The following TENM3 variants were observed in gnomAD, a reference collection of about 807,000 sequenced individuals.
TENM3 encodes the protein teneurin transmembrane protein 3.
TENM3 carries 63 observed loss-of-function variants against 255.1 expected under a neutral mutation model. That is an observed-to-expected ratio of 0.25 (90% CI 0.20 to 0.30). The LOEUF is 0.30. Ranked by LOEUF, TENM3 falls within the 10% of genes least tolerant of loss-of-function variation. TENM3 has a pLI of 1.00. For missense variants in TENM3, 2,929 were observed against 3,461.1 expected (o/e 0.85, Z 3.86); for synonymous variants, 1,306 against 1,322.3 (o/e 0.99, Z 0.27).
chr4:182,541,115 A>T (rs1212289419), intron 3 of TENM3, among the ~76,000 whole-genome samples: 1 of 152,234 alleles, frequency 6.6e-6, no homozygotes, highest in Non-Finnish European at 1.5e-5. Flanking sequence ...AACAGTTGGT[A>T]AATGGTTCCC....
intron 4 of TENM3, among the ~76,000 whole-genome samples, chr4:182,620,795 C>T (rs1232274757): frequency 6.6e-6 from 1 of 152,066 alleles, no homozygotes; most frequent in African/African-American, 2.4e-5. Context: ...GTGGTGCAAT[C>T]ACAGCTCACT....
intron 1 of TENM3, among the ~76,000 whole-genome samples, chr4:182,217,817 C>A (rs912156519): frequency 2.6e-5 from 4 of 151,858 alleles, no homozygotes; most frequent in African/African-American, 9.7e-5. Context: ...ATCTTTGGGG[C>A]AGAAAAACAA....
the TENM3 span, among the ~76,000 whole-genome samples, chr4:181,686,309 C>T: frequency 6.6e-6 from 1 of 152,112 alleles, no homozygotes; most frequent in African/African-American, 2.4e-5. Context: ...TGTGATAATT[C>T]CTTGTTTCAG....
intron 3 of TENM3, among the ~76,000 whole-genome samples, chr4:182,363,095 C>T (rs1256412451): frequency 6.6e-6 from 1 of 152,066 alleles, no homozygotes; most frequent in Non-Finnish European, 1.5e-5. Flanking sequence ...ACATTCTTAT[C>T]CAAAATTGAC....
At chr4:181,558,311 T>G in the TENM3 span, among the ~76,000 whole-genome samples, 4 of 152,276 alleles carry the variant, frequency 2.6e-5, no homozygotes, top group East Asian at 7.7e-4. Context: ...TGATGTCCTG[T>G]CAAAGCACAG....
intron 13 of TENM3, among the ~76,000 whole-genome samples, chr4:182,720,191 G>A (rs1661648609): frequency 6.6e-6 from 1 of 152,040 alleles, no homozygotes; most frequent in Admixed American, 6.5e-5. Flanking sequence ...TATAATGAAT[G>A]GAGAGATCTA....
chr4:182,027,571 C>CTT, the TENM3 span, among the ~76,000 whole-genome samples: 137 of 149,032 alleles, frequency 9.2e-4, 1 homozygote, highest in African/African-American at 9.8e-4. Flanking sequence ...AAAGGCTTTC[C>CTT]TTTTTTTTTT....
chr4:182,770,443 G>A (rs558366766), intron 22 of TENM3, among the ~76,000 whole-genome samples: 60 of 152,132 alleles, frequency 3.9e-4, no homozygotes, highest in African/African-American at 1.2e-3. Context: ...CCTGCACCCC[G>A]ACACCTTCCT....
At chr4:181,911,072 C>T in the TENM3 span, among the ~76,000 whole-genome samples, 1 of 152,112 alleles carries the variant, frequency 6.6e-6, no homozygotes, top group African/African-American at 2.4e-5. Context: ...TATTTAAAAA[C>T]GTTATAATCA....
the TENM3 span, among the ~76,000 whole-genome samples, chr4:181,625,656 C>G: frequency 0.15 from 23,131 of 151,438 alleles, 2,445 homozygotes; most frequent in Non-Finnish European, 0.23. Context: ...ACTAGAAATA[C>G]AAAAAAAATT....
the TENM3 span, among the ~76,000 whole-genome samples, chr4:182,007,765 C>T: frequency 1.3e-5 from 2 of 152,126 alleles, no homozygotes; most frequent in African/African-American, 2.4e-5. Flanking sequence ...ATCCTGTCAT[C>T]GTGACGCTAT....
chr4:181,750,866 A>G, the TENM3 span, among the ~76,000 whole-genome samples: 2 of 152,204 alleles, frequency 1.3e-5, no homozygotes, highest in African/African-American at 4.8e-5. Flanking sequence ...AGTACGCGAC[A>G]GGAGTGATTG....
At chr4:182,167,279 G>A (rs1751782503) in intron 1 of TENM3, among the ~76,000 whole-genome samples, 1 of 152,130 alleles carries the variant, frequency 6.6e-6, no homozygotes, top group Non-Finnish European at 1.5e-5. Flanking sequence ...CAAAAGGGAT[G>A]CCTTTTTTCC....
chr4:181,846,951 CA>C, the TENM3 span, among the ~76,000 whole-genome samples: 1 of 152,178 alleles, frequency 6.6e-6, no homozygotes, highest in East Asian at 1.9e-4. Flanking sequence ...AATCCTTTAA[CA>C]AAAATAAATT....
the TENM3 span, among the ~76,000 whole-genome samples, chr4:181,482,658 T>C: frequency 6.6e-6 from 1 of 152,140 alleles, no homozygotes; most frequent in Non-Finnish European, 1.5e-5. Context: ...AAGGTTCCCT[T>C]TCTAAGAGGA....
the TENM3 span, among the ~76,000 whole-genome samples, chr4:181,810,474 G>A: frequency 6.6e-6 from 1 of 151,860 alleles, no homozygotes; most frequent in Non-Finnish European, 1.5e-5. Context: ...CTGAATTTCT[G>A]CTTGGGGGGT....
chr4:181,993,889 T>G, the TENM3 span, among the ~76,000 whole-genome samples: 1 of 152,102 alleles, frequency 6.6e-6, no homozygotes, highest in Non-Finnish European at 1.5e-5. Flanking sequence ...TTAAAATAAG[T>G]AATTGAGAAG....
chr4:182,186,083 TAAAAG>T (rs1008634081), intron 1 of TENM3, among the ~76,000 whole-genome samples: 1 of 152,262 alleles, frequency 6.6e-6, no homozygotes, highest in South Asian at 2.1e-4. Context: ...CACAATTAAT[TAAAAG>T]AAAAGAAAAA....
At chr4:182,588,467 C>G (rs1289004529) in intron 3 of TENM3, among the ~76,000 whole-genome samples, 1 of 152,082 alleles carries the variant, frequency 6.6e-6, no homozygotes, top group Non-Finnish European at 1.5e-5. Context: ...TTATTTATAT[C>G]ATATCATATA....
Sources: allele counts gnomAD v4.1 joint callset (sites outside exome capture counted in the v4.1 genomes callset), GRCh38; gene constraint gnomAD v4.1.1; transcripts MANE v1.5; gene names NCBI Gene and HGNC (gene_info 2026-07-23, HGNC 2026-07-21).